ROBO2: variants seen among roughly 807,000 people sequenced by gnomAD.
ROBO2 encodes roundabout guidance receptor 2.
A neutral mutation model predicts 160.8 loss-of-function variants in ROBO2; 53 were observed. The ratio of observed to expected loss-of-function variants is 0.33; its 90% CI spans 0.26 to 0.41. ROBO2 has a LOEUF of 0.41. Among genes scored for constraint, ROBO2 ranks in the 10% least tolerant of loss-of-function variants. The pLI, the probability that ROBO2 is intolerant of heterozygous loss-of-function variation, is 1.00. For synonymous variants in ROBO2, 664 were observed against 611.7 expected (o/e 1.09, Z -1.26); for missense variants, 1,577 against 1,722.4 (o/e 0.92, Z 1.49).
intron 2 of ROBO2, among the ~76,000 whole-genome samples, chr3:76,243,812 G>A (rs1705450394): frequency 6.6e-6 from 1 of 152,090 alleles, no homozygotes; most frequent in Non-Finnish European, 1.5e-5. Context: ...TTCCACTTAT[G>A]GAGATTAAAA....
At chr3:76,923,641 A>T (rs543575579) in intron 2 of ROBO2, among the ~76,000 whole-genome samples, 1 of 152,334 alleles carries the variant, frequency 6.6e-6, no homozygotes, top group Admixed American at 6.5e-5. Flanking sequence ...GAGGGAAAAG[A>T]GCAAGTAACT....
intron 2 of ROBO2, among the ~76,000 whole-genome samples, chr3:76,709,338 C>A (rs1049881420): frequency 2.0e-5 from 3 of 152,164 alleles, no homozygotes; most frequent in African/African-American, 7.2e-5. Flanking sequence ...GAGGCTGTGC[C>A]TTCATACTTG....
At chr3:77,018,009 A>G (rs1437838058) in intron 2 of ROBO2, among the ~76,000 whole-genome samples, 1 of 152,152 alleles carries the variant, frequency 6.6e-6, no homozygotes, top group Non-Finnish European at 1.5e-5. Flanking sequence ...CCTATCCCAA[A>G]TCTCGTGATA....
intron 11 of ROBO2, 107 bp from the exon 13 acceptor site, chr3:77,564,847 T>G: frequency 1.2e-6 from 1 of 854,420 alleles, no homozygotes; most frequent in Non-Finnish European, 1.9e-6. Flanking sequence ...TGTGTGTGTG[T>G]GTGTGTGTGT....
intron 2 of ROBO2, among the ~76,000 whole-genome samples, chr3:76,938,710 C>T (rs1165383372): frequency 2.0e-5 from 3 of 151,886 alleles, no homozygotes; most frequent in Non-Finnish European, 2.9e-5. Flanking sequence ...TGGCTCACAC[C>T]CGTAATCCCA....
chr3:76,003,524 T>C (rs1022992262), intron 2 of ROBO2, among the ~76,000 whole-genome samples: 1 of 152,216 alleles, frequency 6.6e-6, no homozygotes, highest in Non-Finnish European at 1.5e-5. Context: ...AGTTTCCATA[T>C]GTGCCAATTG....
intron 2 of ROBO2, among the ~76,000 whole-genome samples, chr3:76,650,572 TTAAC>T (rs1398714299): frequency 6.6e-6 from 1 of 152,092 alleles, no homozygotes; most frequent in Non-Finnish European, 1.5e-5. Flanking sequence ...TTGCTGATAA[TTAAC>T]AGGTGAAAGT....
chr3:76,779,319 C>A (rs574539023), intron 2 of ROBO2, among the ~76,000 whole-genome samples: 1 of 150,894 alleles, frequency 6.6e-6, no homozygotes, highest in Non-Finnish European at 1.5e-5. Flanking sequence ...TTCCTCTAGC[C>A]TCCTTTATTA....
intron 2 of ROBO2, among the ~76,000 whole-genome samples, chr3:76,115,023 A>G (rs572399284): frequency 2.0e-5 from 3 of 152,274 alleles, no homozygotes; most frequent in South Asian, 2.1e-4. Context: ...TTTCATTCCA[A>G]TGGATTTTAA....
intron 2 of ROBO2, among the ~76,000 whole-genome samples, chr3:76,420,291 A>T (rs1483456158): frequency 6.6e-6 from 1 of 152,194 alleles, no homozygotes; most frequent in Non-Finnish European, 1.5e-5. Context: ...CTGGGATTAC[A>T]GTCATGAGCC....
chr3:76,864,711 G>T (rs551742045), intron 2 of ROBO2, among the ~76,000 whole-genome samples: 1 of 152,014 alleles, frequency 6.6e-6, no homozygotes, highest in East Asian at 1.9e-4. Context: ...TTTGACATCC[G>T]CAGGCACAAA....
At chr3:77,342,248 A>G (rs1186259467) in intron 2 of ROBO2, among the ~76,000 whole-genome samples, 2 of 152,128 alleles carry the variant, frequency 1.3e-5, no homozygotes, top group Non-Finnish European at 2.9e-5. Flanking sequence ...TTTATGTTGT[A>G]CATAAGGAGA....
chr3:76,780,258 G>C (rs958537186), intron 2 of ROBO2, among the ~76,000 whole-genome samples: 7 of 148,602 alleles, frequency 4.7e-5, no homozygotes, highest in African/African-American at 1.7e-4. Flanking sequence ...TTTTTTAATT[G>C]AGTTTTGTTG....
At chr3:77,234,376 C>G (rs1329465006) in intron 2 of ROBO2, among the ~76,000 whole-genome samples, 1 of 152,116 alleles carries the variant, frequency 6.6e-6, no homozygotes, top group African/African-American at 2.4e-5. Flanking sequence ...AATATTTGAG[C>G]ACTAATCATG....
chr3:77,392,685 C>CT (rs2074862094), intron 2 of ROBO2, among the ~76,000 whole-genome samples: 1 of 152,144 alleles, frequency 6.6e-6, no homozygotes, highest in African/African-American at 2.4e-5. Context: ...GAACATGAGT[C>CT]TGACCTAATC....
chr3:77,462,160 A>G (rs969064585), intron 2 of ROBO2, among the ~76,000 whole-genome samples: 1 of 152,206 alleles, frequency 6.6e-6, no homozygotes. Flanking sequence ...TAATAACTGT[A>G]AGCCGCTCTC....
At chr3:77,336,601 T>C (rs1363629477) in intron 2 of ROBO2, among the ~76,000 whole-genome samples, 2 of 152,086 alleles carry the variant, frequency 1.3e-5, no homozygotes, top group Non-Finnish European at 2.9e-5. Flanking sequence ...AGATGATTAG[T>C]GTATTGAATA....
At chr3:76,841,522 G>C (rs910176500) in intron 2 of ROBO2, among the ~76,000 whole-genome samples, 1 of 152,052 alleles carries the variant, frequency 6.6e-6, no homozygotes, top group South Asian at 2.1e-4. Context: ...TATTTTTCCT[G>C]TGGAAGAACT....
intron 2 of ROBO2, among the ~76,000 whole-genome samples, chr3:76,439,022 G>A (rs2076806494): frequency 6.6e-6 from 1 of 152,066 alleles, no homozygotes; most frequent in Admixed American, 6.6e-5. Context: ...GTGTGTTGCT[G>A]CATAGACAAT....
Sources: allele counts gnomAD v4.1 joint callset (sites outside exome capture counted in the v4.1 genomes callset), GRCh38; gene constraint gnomAD v4.1.1; transcripts MANE v1.5; gene names NCBI Gene and HGNC (gene_info 2026-07-23, HGNC 2026-07-21).